Variants in BMERB1 observed in about 807,000 individuals in gnomAD.
BMERB1 encodes the protein bMERB domain containing 1.
Under a neutral mutation model 23.6 loss-of-function variants are expected in BMERB1, and 12 were observed. The ratio of observed to expected loss-of-function variants is 0.51; its 90% CI spans 0.33 to 0.82. The LOEUF is 0.82. BMERB1 is among the 40% of genes least tolerant of loss of function. The pLI is 0.03. For missense variants in BMERB1, 247 were observed against 255.4 expected (o/e 0.97, Z 0.22); for synonymous variants, 122 against 96.6 (o/e 1.26, Z -1.54).
chr16:15,564,691 A>G (rs890374658), intron 2 of BMERB1, among the ~76,000 whole-genome samples: 4 of 152,248 alleles, frequency 2.6e-5, no homozygotes, highest in Admixed American at 6.5e-5. Context: ...CTAGTGGGCC[A>G]TTCCTTAACA....
intron 1 of BMERB1, among the ~76,000 whole-genome samples, chr16:15,482,781 A>G (rs2051333430): frequency 1.3e-5 from 2 of 152,340 alleles, no homozygotes; most frequent in South Asian, 2.1e-4. Context: ...AAATTAATAC[A>G]TGTACATAAT....
intron 1 of BMERB1, among the ~76,000 whole-genome samples, chr16:15,456,653 C>T (rs541391757): frequency 1.3e-5 from 2 of 151,956 alleles, no homozygotes; most frequent in South Asian, 2.1e-4. Context: ...TTTAATTTGG[C>T]CTATGTCTTC....
intron 1 of BMERB1, among the ~76,000 whole-genome samples, chr16:15,446,599 C>G (rs1346825936): frequency 6.6e-6 from 1 of 152,190 alleles, no homozygotes; most frequent in African/African-American, 2.4e-5. Context: ...GGCCCAATGT[C>G]ACTCCACTGA....
intron 2 of BMERB1, among the ~76,000 whole-genome samples, chr16:15,546,726 A>G (rs2029929257): frequency 6.6e-6 from 1 of 152,104 alleles, no homozygotes; most frequent in Non-Finnish European, 1.5e-5. Context: ...GCCTCAGTAA[A>G]TTTACTTAAT....
At chr16:15,559,470 C>G (rs745930159) in intron 2 of BMERB1, among the ~76,000 whole-genome samples, 5 of 152,206 alleles carry the variant, frequency 3.3e-5, no homozygotes, top group Non-Finnish European at 7.3e-5. Flanking sequence ...AGGCCACTTA[C>G]CAGTGCAGAG....
intron 1 of BMERB1, among the ~76,000 whole-genome samples, chr16:15,451,494 A>C (rs1473544304): frequency 4.7e-5 from 7 of 150,458 alleles, no homozygotes. Flanking sequence ...ATTTTGTCCA[A>C]CGTTTGTTTT....
intron 1 of BMERB1, among the ~76,000 whole-genome samples, chr16:15,489,854 G>A (rs1298425645): frequency 6.6e-6 from 1 of 151,768 alleles, no homozygotes; most frequent in Non-Finnish European, 1.5e-5. Context: ...TATTTTCAGC[G>A]ATCCATTCCA....
At chr16:15,438,572 G>A (rs964348073) in intron 1 of BMERB1, among the ~76,000 whole-genome samples, 15 of 150,516 alleles carry the variant, frequency 1.0e-4, no homozygotes, top group African/African-American at 1.5e-4. Context: ...CAATTCTCCC[G>A]CCTCAGCCTC....
Position 15,517,370 on chromosome 16 carries a change from G to A in BMERB1, c.230+1942G>A, listed in dbSNP as rs150897480. 1.3e-4 allele frequency among the ~76,000 whole-genome samples: 20 copies of A among 152,266 alleles called. No individual in the cohort carries two copies. The East Asian group carries it at 3.5e-3, about 26-fold the overall frequency. On this transcript the variant is annotated intron_variant, in intron 2 of 5. Coordinates refer to ENST00000300006, the MANE Select transcript of BMERB1 (RefSeq NM_033201.3). ...GTAAAAATACAAAAAATTTAGCCAC[G>A]TGTGGTGGCGTGCGCCTATAATCCC...
At chr16:15,518,231 C>G (rs2051798882) in intron 2 of BMERB1, among the ~76,000 whole-genome samples, 1 of 152,090 alleles carries the variant, frequency 6.6e-6, no homozygotes, top group Admixed American at 6.6e-5. Flanking sequence ...AACAGTAGAC[C>G]CTAGGATAAA....
chr16:15,515,341 T>C lies in BMERB1; in HGVS notation c.143T>C (p.Met48Thr). ...ATCATCTCCATGGCGGAGACAACCA[T>C]GATGCCAGAGGAGATTGAGCTGGAG... ...LDIISMAETT[M>T]MPEEIELEMA... The change falls in exon 2 of 6, where the codon ATG (methionine) becomes ACG (threonine). Residue 48 changes from methionine to threonine, a missense_variant. Physicochemically the swap from Met to Thr is moderately conservative, Grantham distance 81 (BLOSUM62 -1). Transcript: ENST00000300006. The C allele has an allele frequency of 6.2e-7, 1 of 1,613,818 alleles. No individual in the cohort carries two copies. Among genetic ancestry groups the C allele is most frequent in the Non-Finnish European group, 8.5e-7 (1 of 1,180,002 alleles).
Position 15,586,819 on chromosome 16 carries a change from A to T in BMERB1, c.605A>T (p.Asn202Ile). Residue 202 changes from asparagine to isoleucine, a missense_variant, in exon 6 of 6, where the codon AAC becomes ATC. By Grantham distance (149) the Asn-to-Ile change is moderately radical. Coordinates refer to ENST00000300006, the MANE Select transcript of BMERB1 (RefSeq NM_033201.3). ...IKDCCGATQCNIM is the reference protein window; with the variant it reads ...IKDCCGATQCIIM ...GATTGTTGCGGGGCCACCCAGTGCAACATCATGTAGCCCCCACGTGGGGTG... is the reference window on the plus strand; with the variant it reads ...GATTGTTGCGGGGCCACCCAGTGCATCATCATGTAGCCCCCACGTGGGGTG... The T allele has an allele frequency of 6.2e-7, 1 of 1,605,850 alleles. No individual in the cohort carries two copies. Among genetic ancestry groups the T allele is most frequent in the Non-Finnish European group, 8.5e-7 (1 of 1,176,624 alleles).
intron 1 of BMERB1, 95 bp from the exon 2 acceptor site, chr16:15,515,210 T>G: frequency 6.4e-7 from 1 of 1,556,484 alleles, no homozygotes; most frequent in Non-Finnish European, 8.7e-7. Context: ...TGTATGATGG[T>G]CGCAGAGCAA....
intron 1 of BMERB1, among the ~76,000 whole-genome samples, chr16:15,512,479 A>AC (rs1296077281): frequency 1.3e-5 from 2 of 152,176 alleles, no homozygotes; most frequent in African/African-American, 4.8e-5. Flanking sequence ...AGTGACTCAC[A>AC]CCTGTAAGTA....
At chr16:15,484,589 A>T (rs541226895) in intron 1 of BMERB1, among the ~76,000 whole-genome samples, 16 of 152,230 alleles carry the variant, frequency 1.1e-4, no homozygotes, top group African/African-American at 3.1e-4. Context: ...TTTAGTAGAG[A>T]CAGGGTTTCA....
intron 2 of BMERB1, among the ~76,000 whole-genome samples, chr16:15,554,768 G>A (rs1018431230): frequency 1.3e-5 from 2 of 150,806 alleles, no homozygotes; most frequent in African/African-American, 4.9e-5. Flanking sequence ...CCAGGTTCAC[G>A]CCATTCTCCT....
At chr16:15,577,174 C>T (rs1358707446) in intron 3 of BMERB1, 1 of 152,218 alleles carries the variant, frequency 6.6e-6, no homozygotes, top group Non-Finnish European at 1.5e-5. Flanking sequence ...CCATTTTGAA[C>T]ATACCTAGAC....
intron 1 of BMERB1, among the ~76,000 whole-genome samples, chr16:15,440,816 G>A (rs2050933315): frequency 1.3e-5 from 2 of 152,158 alleles, no homozygotes; most frequent in Non-Finnish European, 2.9e-5. Flanking sequence ...TTTAGGGGAA[G>A]TTAAGACCTG....
At position 15,523,339 on chromosome 16, in the gene BMERB1, G is replaced by A. The variant is rs988423950; in HGVS notation, c.230+7911G>A. Among the ~76,000 whole-genome samples the A allele has an allele frequency of 3.9e-5, 6 of 152,134 alleles. No homozygotes were observed. The East Asian group carries it at 9.6e-4, about 24-fold the overall frequency. On this transcript the variant is annotated intron_variant, in intron 2 of 5. Transcript: ENST00000300006. Reference sequence around the variant, plus strand: ...GGGGTTTTTATAGATACAGGATGGGGGCATGGCAGGCCAGGGTGGTCTTGG... The same window carrying A: ...GGGGTTTTTATAGATACAGGATGGGAGCATGGCAGGCCAGGGTGGTCTTGG...
Sources: gnomAD v4.1 joint callset for allele counts (sites outside exome capture counted in the v4.1 genomes callset) on GRCh38, gnomAD v4.1.1 for gene constraint, MANE v1.5 for transcripts, NCBI Gene and HGNC (gene_info 2026-07-23, HGNC 2026-07-21) for gene names.